Variants in DDHD2 observed in about 807,000 individuals in gnomAD.
DDHD2 encodes the protein DDHD domain containing 2.
A neutral mutation model predicts 91.2 loss-of-function variants in DDHD2; 62 were observed. The observed-to-expected ratio is 0.68, with a 90% CI of 0.55 to 0.84. The LOEUF is 0.84. Among genes scored for constraint, DDHD2 ranks in the 40% least tolerant of loss-of-function variants. The pLI, the probability that DDHD2 is intolerant of heterozygous loss-of-function variation, is 0.00. For synonymous variants in DDHD2, 271 were observed against 293.9 expected (o/e 0.92, Z 0.80); for missense variants, 740 against 846.9 (o/e 0.87, Z 1.57).
Position 38,262,828 on chromosome 8 carries a change from C to T in DDHD2, c.*2255C>T, listed in dbSNP as rs571536719. 3 of 152,102 alleles carry T rather than the reference C, an allele frequency of 2.0e-5. No homozygotes were observed. Among genetic ancestry groups the T allele is most frequent in the Non-Finnish European group, 4.4e-5 (3 of 68,000 alleles). 9.4% of individuals were successfully genotyped at this position (152,102 alleles called of 1,614,324 possible). A position where few individuals can be genotyped will look rare whatever the true frequency, so the allele number is the denominator to read the frequency against. On this transcript the variant is annotated 3_prime_UTR_variant, in exon 18 of 18. Transcript: ENST00000397166. ...CGTCTCAAAGTCAAGAAAATCAGTA[C>T]AGTCACGATTTTCTCTGTCTTTATG...
downstream of DDHD2, chr8:38,264,035 TG>T: frequency 1.0e-6 from 1 of 987,584 alleles, no homozygotes; most frequent in Non-Finnish European, 1.2e-6. Flanking sequence ...CAGAATACAG[TG>T]TGGCTTATGT....
At chr8:38,264,973 TAA>T, downstream of DDHD2, 1 of 1,545,798 alleles carries the variant, frequency 6.5e-7, no homozygotes, top group Non-Finnish European at 8.9e-7. Context: ...TAAAGTATTT[TAA>T]GAGTTGCTTC....
exon 2 of DDHD2, chr8:38,271,329 A>G (rs1808469457): frequency 6.6e-6 from 1 of 152,180 alleles, no homozygotes; most frequent in Non-Finnish European, 1.5e-5. Context: ...AAGTACTTAA[A>G]AAACCTGAAT....
At chr8:38,267,281 C>G, downstream of DDHD2, 3 of 1,613,972 alleles carry the variant, frequency 1.9e-6, no homozygotes, top group Non-Finnish European at 2.5e-6. Flanking sequence ...AGAATGTCCA[C>G]TGGGGAAGCT....
chr8:38,238,338 A>G, intron 5 of DDHD2, 129 bp downstream of exon 5: 1 of 1,465,068 alleles, frequency 6.8e-7, no homozygotes, highest in Non-Finnish European at 9.0e-7. Context: ...GGTTTATTCC[A>G]AGTTGAGATT....
At chr8:38,246,368 A>AT (rs1805636936) in intron 9 of DDHD2, 68 bp downstream of exon 9, 8 of 1,294,718 alleles carry the variant, frequency 6.2e-6, no homozygotes, top group Non-Finnish European at 8.7e-6. Context: ...TTTTAGACTT[A>AT]TTTTTTGTTT....
intron 16 of DDHD2, chr8:38,255,326 T>A: frequency 2.0e-6 from 1 of 509,992 alleles, no homozygotes; most frequent in Non-Finnish European, 3.9e-6. Context: ...CCAAAAGCAA[T>A]CTTGTAAGGG....
chr8:38,265,143 G>A (rs1240705379), downstream of DDHD2: 12 of 528,508 alleles, frequency 2.3e-5, no homozygotes, highest in East Asian at 2.7e-4. Context: ...GCATGTGCCT[G>A]TAATCCCAGA....
At chr8:38,257,238 GTTTTTTTTTTTT>G (rs749469533) in intron 16 of DDHD2, among the ~76,000 whole-genome samples, 78 of 63,830 alleles carry the variant, frequency 1.2e-3, no homozygotes, top group East Asian at 0.012. Flanking sequence ...TGGCCAACAA[GTTTTTTTTTTTT>G]TTTTTTTTTT....
At chr8:38,245,555 T>C (rs546069188) in intron 7 of DDHD2, among the ~76,000 whole-genome samples, 187 bp from the exon 8 acceptor site, 3 of 152,246 alleles carry the variant, frequency 2.0e-5, no homozygotes, top group Non-Finnish European at 4.4e-5. Flanking sequence ...TGAGGGTTTT[T>C]TATACTCTGA....
At chr8:38,255,648 A>G (rs1038064010) in intron 16 of DDHD2, among the ~76,000 whole-genome samples, 7 of 152,036 alleles carry the variant, frequency 4.6e-5, no homozygotes, top group African/African-American at 1.4e-4. Flanking sequence ...TGTTTTTTCT[A>G]CTAGTATATC....
At chr8:38,272,686 C>T (rs1808511730), downstream of DDHD2, 1 of 152,236 alleles carries the variant, frequency 6.6e-6, no homozygotes, top group Non-Finnish European at 1.5e-5. Context: ...CACCATTAGC[C>T]CATGCTGCTT....
chr8:38,249,348 C>G (rs868843227), intron 10 of DDHD2, among the ~76,000 whole-genome samples: 10 of 151,556 alleles, frequency 6.6e-5, no homozygotes, highest in Admixed American at 6.6e-4. Flanking sequence ...ATGATCCACC[C>G]GCCTCGGCCT....
In DDHD2 at chr8:38,253,139, T is replaced by A; in HGVS notation, c.1891+12T>A. The A allele has an allele frequency of 6.2e-7, 1 of 1,604,522 alleles. No individual in the cohort carries two copies. Among genetic ancestry groups the A allele is most frequent in the South Asian group, 1.1e-5 (1 of 89,334 alleles). On this transcript the variant is annotated intron_variant, in intron 15 of 17. Coordinates refer to ENST00000397166, the MANE Select transcript of DDHD2 (RefSeq NM_015214.3). ...AGAGAAGCCTAGTGGTCAGTGACACTGTACACATTGACCAGCTGCCAGATA... is the reference window on the plus strand; with the variant it reads ...AGAGAAGCCTAGTGGTCAGTGACACAGTACACATTGACCAGCTGCCAGATA...
chr8:38,249,456 T>G (rs1805931212), intron 10 of DDHD2, among the ~76,000 whole-genome samples: 1 of 126,032 alleles, frequency 7.9e-6, no homozygotes, highest in Non-Finnish European at 1.7e-5. Flanking sequence ...AACTTCTCTG[T>G]TTTTTTTTTT....
In DDHD2 at chr8:38,234,720, G is replaced by A. The variant is rs1382834169; in HGVS notation, c.411+136G>A. ...GCATCACATTATAAAACATAATAAAGCATTTCTATTTACAAGCAAGTTTCA... is the reference window on the plus strand; with the variant it reads ...GCATCACATTATAAAACATAATAAAACATTTCTATTTACAAGCAAGTTTCA... On this transcript the variant is annotated intron_variant, in intron 3 of 17. Transcript: ENST00000397166. The A allele has an allele frequency of 2.3e-5, 15 of 659,862 alleles. No individual in the cohort carries two copies. The South Asian group carries it at 3.4e-4, about 15-fold the overall frequency. The allele number at this position is 659,862 out of a possible 1,614,324, so 40.9% of individuals were successfully genotyped here.
chr8:38,243,580 C>T (rs1001051454), intron 7 of DDHD2, among the ~76,000 whole-genome samples: 4 of 152,050 alleles, frequency 2.6e-5, no homozygotes, highest in Non-Finnish European at 5.9e-5. Context: ...ATCTTCATAC[C>T]TTATCTAATG....
intron 3 of DDHD2, 140 bp downstream of exon 3, chr8:38,234,724 T>G: frequency 1.5e-6 from 1 of 664,742 alleles, no homozygotes; most frequent in Non-Finnish European, 2.4e-6. Flanking sequence ...AATAAAGCAT[T>G]TCTATTTACA....
At chr8:38,253,437 A>G (rs1806267140) in intron 15 of DDHD2, 119 bp from the exon 16 acceptor site, 7 of 878,714 alleles carry the variant, frequency 8.0e-6, no homozygotes, top group Non-Finnish European at 1.2e-5. Context: ...GATGGGAGAG[A>G]GCTCTCTGAA....
Sources: gnomAD v4.1 joint callset for allele counts (sites outside exome capture counted in the v4.1 genomes callset) on GRCh38, gnomAD v4.1.1 for gene constraint, MANE v1.5 for transcripts, NCBI Gene and HGNC (gene_info 2026-07-23, HGNC 2026-07-21) for gene names.